The following ZNF829 variants were observed in gnomAD, a reference collection of about 807,000 sequenced individuals.
The protein encoded by ZNF829 is zinc finger protein 829.
A neutral mutation model predicts 35.2 loss-of-function variants in ZNF829; 25 were observed. The observed-to-expected ratio is 0.71, with a 90% confidence interval of 0.52 to 0.99. The LOEUF is 0.99. ZNF829 is among the 50% of genes least tolerant of loss of function. The pLI, the probability that ZNF829 is intolerant of heterozygous loss-of-function variation, is 0.00. For synonymous variants in ZNF829, 136 were observed against 163.2 expected (o/e 0.83, Z 1.27); for missense variants, 417 against 515.3 (o/e 0.81, Z 1.85).
chr19:36,909,498 G>GGATA (rs2073245177), intron 3 of ZNF829, among the ~76,000 whole-genome samples: 1 of 152,106 alleles, frequency 6.6e-6, no homozygotes, highest in African/African-American at 2.4e-5. Flanking sequence ...CTAATCACAG[G>GGATA]GATAGCAATG....
chr19:36,915,385 C>A, intron 1 of ZNF829, 134 bp from the exon 2 acceptor site: 1 of 1,042,030 alleles, frequency 9.6e-7, no homozygotes, highest in East Asian at 2.6e-5. Flanking sequence ...AGGAGCCACA[C>A]ACGGCAACAC....
At chr19:36,907,804 A>G (rs942836798) in intron 5 of ZNF829, 125 bp downstream of exon 5, 4 of 275,344 alleles carry the variant, frequency 1.5e-5, no homozygotes, top group African/African-American at 5.1e-5. Flanking sequence ...AAAGTATGAG[A>G]AAAAAAAAAA....
At chr19:36,901,351 C>CT (rs2073163947) in intron 5 of ZNF829, among the ~76,000 whole-genome samples, 1 of 151,920 alleles carries the variant, frequency 6.6e-6, no homozygotes, top group Non-Finnish European at 1.5e-5. Context: ...TTGCCTGGGG[C>CT]TGGAGGGGGT....
chr19:36,892,676 T>C (rs2073069463), intron 5 of ZNF829: 1 of 642,696 alleles, frequency 1.6e-6, no homozygotes, highest in Non-Finnish European at 2.6e-6. Context: ...ATTCAGAAAG[T>C]AGATGACCTC....
chr19:36,913,313 C>T (rs569195240), intron 3 of ZNF829, among the ~76,000 whole-genome samples: 4 of 152,128 alleles, frequency 2.6e-5, no homozygotes, highest in Non-Finnish European at 4.4e-5. Flanking sequence ...CAAATTTACA[C>T]CTTGAGAAAA....
intron 3 of ZNF829, among the ~76,000 whole-genome samples, chr19:36,909,125 T>A (rs955191217): frequency 6.6e-6 from 1 of 151,938 alleles, no homozygotes; most frequent in Admixed American, 6.6e-5. Context: ...AAAACTAACA[T>A]GAAAATGGTG....
At chr19:36,902,967 C>T (rs776074640) in intron 5 of ZNF829, among the ~76,000 whole-genome samples, 49 of 151,502 alleles carry the variant, frequency 3.2e-4, no homozygotes, top group Admixed American at 7.2e-4. Flanking sequence ...ACCCGGGAGG[C>T]GGAGGTTGTA....
intron 5 of ZNF829, among the ~76,000 whole-genome samples, chr19:36,904,362 G>A (rs1276235248): frequency 6.6e-6 from 1 of 152,166 alleles, no homozygotes; most frequent in Non-Finnish European, 1.5e-5. Context: ...GGGCAGTCAT[G>A]GTAGGAATGT....
chr19:36,891,711 G>T lies in ZNF829; in HGVS notation c.1080C>A (p.Ala360=), dbSNP rs1380519629. ...KLYECEECRK[A]FIQSSELIQH... ...GAATAAGTTCTGAGCTCTGAATAAA[G>T]GCCTTTCTACATTCTTCACATTCAT... The change falls in exon 6 of 6, where the codon GCC becomes GCA. Residue 360 remains alanine (A), a synonymous_variant. Coordinates refer to ENST00000391711, the MANE Select transcript of ZNF829 (RefSeq NM_001037232.4). 5.0e-6 allele frequency: 8 copies of T among 1,613,866 alleles called. No homozygotes were observed. The highest frequency in any genetic ancestry group is 6.8e-6 in the Non-Finnish European group (8 of 1,180,004).
At chr19:36,914,274 T>C (rs1057333855) in intron 3 of ZNF829, among the ~76,000 whole-genome samples, 1 of 152,142 alleles carries the variant, frequency 6.6e-6, no homozygotes, top group Non-Finnish European at 1.5e-5. Context: ...CATAAAATCA[T>C]CTTACAGGAA....
chr19:36,905,055 A>G (rs7257484), intron 5 of ZNF829, among the ~76,000 whole-genome samples: 20,649 of 152,168 alleles, frequency 0.14, 1,636 homozygotes, highest in African/African-American at 0.21. Flanking sequence ...CTAACTCCAT[A>G]GGTAACAACA....
In ZNF829 at chr19:36,908,650, G is replaced by T. The variant is rs2073239009; in HGVS notation, c.97-191C>A. Among the ~76,000 whole-genome samples the T allele has an allele frequency of 3.3e-5, 5 of 152,188 alleles. No homozygotes were observed. In the South Asian group the frequency reaches 1.0e-3, roughly 32 times the overall value. On this transcript the variant is annotated intron_variant, in intron 3 of 5. Coordinates refer to ENST00000391711, the MANE Select transcript of ZNF829 (RefSeq NM_001037232.4). ...AGTGATATGAAATAGCATGCATTCAGCTCAATTAGTGAGTTTCTTCCCCCT... is the reference window on the plus strand; with the variant it reads ...AGTGATATGAAATAGCATGCATTCATCTCAATTAGTGAGTTTCTTCCCCCT...
intron 5 of ZNF829, among the ~76,000 whole-genome samples, chr19:36,900,145 AACACACACACAC>A (rs56218050): frequency 0.17 from 20,809 of 120,396 alleles, 2,126 homozygotes; most frequent in Non-Finnish European, 0.24. Flanking sequence ...GTCTCTACTA[AACACACACACAC>A]ACACACACAC....
intron 4 of ZNF829, 137 bp from the exon 5 acceptor site, chr19:36,908,161 C>T: frequency 8.5e-7 from 1 of 1,180,722 alleles, no homozygotes; most frequent in Non-Finnish European, 1.2e-6. Flanking sequence ...GCTTCAGCCA[C>T]AGCCCATTGG....
rs2073151623 is a variant in ZNF829, at chr19:36,900,148, ACACACACACAC to A, written c.320-7688_320-7678del. Among the ~76,000 whole-genome samples the A allele has an allele frequency of 7.3e-3, 122 of 16,708 alleles. 1 individual carries two copies. Among genetic ancestry groups the A allele is most frequent in the African/African-American group, 9.7e-3 (106 of 10,892 alleles). 11.0% of individuals were successfully genotyped at this position (16,708 alleles called of 152,430 possible). On this transcript the variant is annotated intron_variant, in intron 5 of 5. Transcript: ENST00000391711. ...TGGTAAAACTCTGTCTCTACTAAACACACACACACACACACACACACACACACACACACACA... is the reference window on the plus strand; with the variant it reads ...TGGTAAAACTCTGTCTCTACTAAACAACACACACACACACACACACACACA...
At chr19:36,909,378 T>A (rs1442646097) in intron 3 of ZNF829, among the ~76,000 whole-genome samples, 1 of 152,160 alleles carries the variant, frequency 6.6e-6, no homozygotes, top group African/African-American at 2.4e-5. Flanking sequence ...AACAAGGCAA[T>A]TTCCTCTGAG....
At chr19:36,913,742 C>T (rs1231842156) in intron 3 of ZNF829, among the ~76,000 whole-genome samples, 1 of 151,954 alleles carries the variant, frequency 6.6e-6, no homozygotes, top group African/African-American at 2.4e-5. Context: ...GATATCCATC[C>T]ATAAATTTTA....
In ZNF829 at chr19:36,891,988, T is replaced by A; in HGVS notation, c.803A>T (p.Tyr268Phe). ...HQRIHTGEKP[Y>F]ECKVCGKAFT... is the part of the protein sequence containing the mutation. ...GGCTTTTCCACATACTTTACATTCA[T>A]AGGGTTTCTCACCAGTGTGAATTCT... The change falls in exon 6 of 6, where the codon TAT (tyrosine) becomes TTT (phenylalanine). Residue 268 changes from tyrosine (Y) to phenylalanine (F), a missense_variant. By Grantham distance (22) the Tyr-to-Phe change is conservative. Coordinates refer to ENST00000391711, the MANE Select transcript of ZNF829 (RefSeq NM_001037232.4). 1 of 1,613,916 alleles carries A rather than the reference T, an allele frequency of 6.2e-7. No individual in the cohort carries two copies.
intron 5 of ZNF829, 101 bp downstream of exon 5, chr19:36,907,828 T>C (rs1425384732): frequency 8.2e-6 from 8 of 972,896 alleles, no homozygotes; most frequent in Non-Finnish European, 1.2e-5. Flanking sequence ...TGGGATAGCT[T>C]ATATGGAAGA....
Sources: allele counts gnomAD v4.1 joint callset (sites outside exome capture counted in the v4.1 genomes callset), GRCh38; gene constraint gnomAD v4.1.1; transcripts MANE v1.5; gene names NCBI Gene and HGNC (gene_info 2026-07-23, HGNC 2026-07-21).